The following TTC6 variants were observed in gnomAD, a reference collection of about 807,000 sequenced individuals.
The protein encoded by TTC6 is tetratricopeptide repeat domain 6, also known as tetratricopeptide repeat protein 6.
TTC6 carries 172 observed loss-of-function variants against 210.4 expected under a neutral mutation model. That is an observed-to-expected ratio of 0.82 (90% CI 0.72 to 0.93). The LOEUF (loss-of-function observed/expected upper bound fraction) is 0.93. TTC6 is among the 40% of genes least tolerant of loss of function. The pLI is 0.00. For synonymous variants in TTC6, 804 were observed against 819.6 expected, an observed-to-expected ratio of 0.98 and a Z score of 0.32; for missense variants, 2,414 against 2,318.1, an observed-to-expected ratio of 1.04 and a Z score of -0.85.
At chr14:37,715,119 G>A (rs796937594) in intron 6 of TTC6, among the ~76,000 whole-genome samples, 6 of 152,204 alleles carry the variant, frequency 3.9e-5, no homozygotes, top group East Asian at 1.9e-4. Flanking sequence ...CCAGTGAGCC[G>A]TGATTGTGCC....
At chr14:37,603,790 T>C (rs538820493) in intron 1 of TTC6, among the ~76,000 whole-genome samples, 7 of 152,200 alleles carry the variant, frequency 4.6e-5, no homozygotes, top group African/African-American at 7.2e-5. Flanking sequence ...ACAAACTCCA[T>C]TGGGGGCGTA....
At chr14:37,800,053 C>G (rs1219159700) in intron 20 of TTC6, among the ~76,000 whole-genome samples, 3 of 152,080 alleles carry the variant, frequency 2.0e-5, no homozygotes, top group African/African-American at 7.2e-5. Flanking sequence ...TGCAGTGTTG[C>G]TGTAACAAAT....
chr14:37,682,935 T>C (rs749935880), exon 3 of TTC6: 1 of 1,535,530 alleles, frequency 6.5e-7, no homozygotes, highest in South Asian at 1.2e-5. Flanking sequence ...CACAAGTGAT[T>C]CAAAAGAAGC....
intron 28 of TTC6, 114 bp downstream of exon 30, chr14:37,826,461 G>A (rs2096171897): frequency 1.9e-6 from 2 of 1,025,736 alleles, no homozygotes; most frequent in African/African-American, 1.6e-5. Context: ...AGAAAATAAT[G>A]TTTTGTATTT....
intron 20 of TTC6, among the ~76,000 whole-genome samples, chr14:37,797,971 A>G (rs964275771): frequency 2.0e-5 from 3 of 151,932 alleles, no homozygotes; most frequent in African/African-American, 7.2e-5. Context: ...TGTGTGGATC[A>G]TGTGCTATTT....
chr14:37,673,587 T>C (rs1447832334), intron 1 of TTC6, among the ~76,000 whole-genome samples: 1 of 152,070 alleles, frequency 6.6e-6, no homozygotes. Flanking sequence ...ATTGAGAAAA[T>C]ACTGGGCCTG....
intron 1 of TTC6, among the ~76,000 whole-genome samples, chr14:37,600,621 A>G (rs2095613940): frequency 6.6e-6 from 1 of 152,240 alleles, no homozygotes; most frequent in Non-Finnish European, 1.5e-5. Flanking sequence ...AATAAGAATC[A>G]TATGCCATAT....
exon 10 of TTC6, chr14:37,739,114 C>A (rs877126): frequency 6.6e-7 from 1 of 1,526,500 alleles, no homozygotes; most frequent in Admixed American, 2.0e-5. Flanking sequence ...AACTTATATT[C>A]GTGCATGAAG....
exon 12 of TTC6, chr14:37,749,745 C>A (rs904224804): frequency 4.1e-6 from 6 of 1,451,964 alleles, no homozygotes; most frequent in African/African-American, 1.4e-5. Flanking sequence ...TTTCTCAATG[C>A]CTATTGGCAT....
exon 25 of TTC6, chr14:37,812,337 G>T (rs150245051): frequency 1.1e-4 from 170 of 1,612,648 alleles, no homozygotes; most frequent in Admixed American, 2.3e-4. Context: ...ATGGAATTGT[G>T]CTGCTTCTTG....
chr14:37,822,713 A>T (rs2096160801), intron 26 of TTC6, among the ~76,000 whole-genome samples: 1 of 152,142 alleles, frequency 6.6e-6, no homozygotes, highest in Admixed American at 6.5e-5. Context: ...ACAGGTATAT[A>T]ATAGGTGTAG....
chr14:37,641,019 C>T (rs1369296644), intron 1 of TTC6, among the ~76,000 whole-genome samples: 1 of 152,106 alleles, frequency 6.6e-6, no homozygotes, highest in Non-Finnish European at 1.5e-5. Flanking sequence ...TTTTGTGATA[C>T]CGTCAAGTCA....
intron 29 of TTC6, among the ~76,000 whole-genome samples, chr14:37,833,616 G>A (rs1248826206): frequency 6.6e-6 from 1 of 151,978 alleles, no homozygotes; most frequent in Non-Finnish European, 1.5e-5. Flanking sequence ...TCTTTCGATA[G>A]GTAAGGACTT....
chr14:37,659,727 G>A (rs1260932217), intron 1 of TTC6, among the ~76,000 whole-genome samples: 1 of 152,078 alleles, frequency 6.6e-6, no homozygotes, highest in African/African-American at 2.4e-5. Context: ...CTCCATGTGG[G>A]TCAGGCTGGT....
chr14:37,760,735 A>G (rs2095981717), intron 14 of TTC6, among the ~76,000 whole-genome samples: 1 of 152,128 alleles, frequency 6.6e-6, no homozygotes, highest in African/African-American at 2.4e-5. Flanking sequence ...GAATCTAGAG[A>G]GGCAGTCTGG....
chr14:37,701,824 T>C (rs1031495523), intron 5 of TTC6, among the ~76,000 whole-genome samples: 1 of 152,144 alleles, frequency 6.6e-6, no homozygotes, highest in Non-Finnish European at 1.5e-5. Flanking sequence ...ATGTGGAAAT[T>C]GAGAGTAATA....
rs1301770323 is a variant in TTC6, at chr14:37,792,373, T to C, written c.3667T>C (p.Cys1223Arg). The C allele has an allele frequency of 4.6e-6, 7 of 1,529,070 alleles. No homozygotes were observed. The East Asian group carries it at 1.2e-4, about 27-fold the overall frequency. The allele number at this position is 1,529,070 out of a possible 1,614,324, so 94.7% of individuals were successfully genotyped here. The change falls in exon 17 of 31, where the codon TGT becomes CGT. Residue 1223 changes from cysteine (C) to arginine (R), a missense_variant. Physicochemically the swap from Cys to Arg is radical, Grantham distance 180. Coordinates refer to ENST00000553443, the Ensembl canonical transcript of TTC6. ...TGAGGCTATTAGAATTGATCCTTTA[T>C]GTATTCAAAGCTATCTTTGTCGGGC...
intron 8 of TTC6, 113 bp downstream of exon 10, chr14:37,736,123 T>A (rs571590919): frequency 1.6e-6 from 1 of 626,080 alleles, no homozygotes; most frequent in Admixed American, 2.8e-5. Flanking sequence ...TGGTGGCTCA[T>A]GTCTGTAATC....
At chr14:37,679,459 C>T (rs2095778096) in intron 1 of TTC6, among the ~76,000 whole-genome samples, 1 of 152,068 alleles carries the variant, frequency 6.6e-6, no homozygotes, top group Non-Finnish European at 1.5e-5. Context: ...AAAAATGATA[C>T]TAACAGTCCA....
Sources: gnomAD v4.1 joint callset for allele counts (sites outside exome capture counted in the v4.1 genomes callset) on GRCh38, gnomAD v4.1.1 for gene constraint, MANE v1.5 for transcripts, NCBI Gene and HGNC (gene_info 2026-07-23, HGNC 2026-07-21) for gene names.